Variants in SORCS2 observed in about 807,000 individuals in gnomAD.
SORCS2 encodes sortilin related VPS10 domain containing receptor 2, also known as VPS10 domain-containing receptor SorCS2.
Under a neutral mutation model 141.6 loss-of-function variants are expected in SORCS2, and 100 were observed. The observed-to-expected ratio is 0.71, with a 90% confidence interval of 0.60 to 0.83. SORCS2 has a LOEUF of 0.83. Ranked by LOEUF, SORCS2 falls within the 40% of genes least tolerant of loss-of-function variation. SORCS2 has a pLI of 0.00. For missense variants in SORCS2, 1,646 were observed against 1,560.2 expected (o/e 1.05, Z -0.93); for synonymous variants, 789 against 676.9 (o/e 1.17, Z -2.57).
intron 2 of SORCS2, among the ~76,000 whole-genome samples, chr4:7,428,271 C>G (rs958681341): frequency 6.6e-6 from 1 of 152,214 alleles, no homozygotes; most frequent in African/African-American, 2.4e-5. Context: ...CAGAAACACA[C>G]AACCGCAGGG....
intron 1 of SORCS2, among the ~76,000 whole-genome samples, chr4:7,246,835 C>T (rs1162834250): frequency 1.3e-5 from 2 of 152,190 alleles, no homozygotes; most frequent in African/African-American, 4.8e-5. Flanking sequence ...GGAACTCTTT[C>T]GCCGTGACTC....
intron 25 of SORCS2, among the ~76,000 whole-genome samples, chr4:7,735,967 AGTTG>A (rs774245987): frequency 8.5e-5 from 13 of 152,216 alleles, no homozygotes; most frequent in Non-Finnish European, 1.6e-4. Context: ...AGCAGCTTAA[AGTTG>A]GTGCTGACAA....
chr4:7,502,556 G>A (rs527772963), intron 2 of SORCS2, among the ~76,000 whole-genome samples: 12 of 152,330 alleles, frequency 7.9e-5, no homozygotes, highest in Middle Eastern at 6.8e-3. Context: ...ATCCCCAGCC[G>A]CCTTTGTTGC....
chr4:7,462,643 G>A (rs1219749482), intron 2 of SORCS2, among the ~76,000 whole-genome samples: 1 of 151,874 alleles, frequency 6.6e-6, no homozygotes, highest in Non-Finnish European at 1.5e-5. Flanking sequence ...ACCTTTTCCA[G>A]GGATGGAGCC....
At chr4:7,677,049 C>G (rs977832197) in intron 9 of SORCS2, among the ~76,000 whole-genome samples, 8 of 151,924 alleles carry the variant, frequency 5.3e-5, no homozygotes, top group Non-Finnish European at 7.4e-5. Context: ...CTCTCACACT[C>G]GCTTGCTTTC....
At chr4:7,544,886 C>T (rs1019323107) in intron 3 of SORCS2, among the ~76,000 whole-genome samples, 17 of 152,160 alleles carry the variant, frequency 1.1e-4, no homozygotes, top group African/African-American at 4.1e-4. Flanking sequence ...GAACAGAAGC[C>T]TGAGTGTGGA....
chr4:7,452,253 G>C (rs1331521985), intron 2 of SORCS2, among the ~76,000 whole-genome samples: 1 of 152,060 alleles, frequency 6.6e-6, no homozygotes, highest in Non-Finnish European at 1.5e-5. Context: ...CAATTCGCCT[G>C]CCTCAGCCTC....
At chr4:7,689,440 G>A in intron 10 of SORCS2, 46 bp from the exon 11 acceptor site, 1 of 1,534,398 alleles carries the variant, frequency 6.5e-7, no homozygotes, top group Non-Finnish European at 8.8e-7. Flanking sequence ...TCCTAAGGAT[G>A]CTCCTACTCA....
chr4:7,265,212 G>A (rs139523044), intron 1 of SORCS2, among the ~76,000 whole-genome samples: 10 of 152,324 alleles, frequency 6.6e-5, no homozygotes, highest in African/African-American at 1.7e-4. Context: ...CAAGGTGTAG[G>A]CTGGGCACGA....
chr4:7,291,367 C>T (rs1466084709), intron 1 of SORCS2, among the ~76,000 whole-genome samples: 1 of 152,142 alleles, frequency 6.6e-6, no homozygotes, highest in Non-Finnish European at 1.5e-5. Flanking sequence ...CCACGCCTGG[C>T]CCATGGGAGG....
At chr4:7,418,448 G>C (rs138422241) in intron 2 of SORCS2, among the ~76,000 whole-genome samples, 47 of 152,290 alleles carry the variant, frequency 3.1e-4, no homozygotes, top group African/African-American at 1.0e-3. Flanking sequence ...TTTCAGAGCA[G>C]ACCACCCATG....
At chr4:7,693,042 A>G (rs1322064468) in intron 11 of SORCS2, among the ~76,000 whole-genome samples, 3 of 152,198 alleles carry the variant, frequency 2.0e-5, no homozygotes, top group Non-Finnish European at 4.4e-5. Flanking sequence ...TTGATCCCAG[A>G]AATCAACCCA....
At chr4:7,738,875 C>T (rs138092840) in intron 26 of SORCS2, among the ~76,000 whole-genome samples, 1,717 of 152,288 alleles carry the variant, frequency 0.011, 31 homozygotes, top group African/African-American at 0.039. Context: ...CTCCCCTGCG[C>T]GCTCTCCAGC....
intron 3 of SORCS2, among the ~76,000 whole-genome samples, chr4:7,539,475 G>T (rs955948190): frequency 2.5e-4 from 38 of 152,202 alleles, no homozygotes; most frequent in African/African-American, 8.9e-4. Context: ...ACTTTGTTCT[G>T]CTCTTTGTCT....
chr4:7,215,419 C>T (rs544329666), intron 1 of SORCS2, among the ~76,000 whole-genome samples: 132 of 152,336 alleles, frequency 8.7e-4, no homozygotes, highest in African/African-American at 3.1e-3. Flanking sequence ...CCCCCGACTC[C>T]GTGGGTTCCT....
chr4:7,481,887 ACGCCGTTCAGACCTGTATCCCCAC>A (rs1730657012), intron 2 of SORCS2, among the ~76,000 whole-genome samples: 1 of 151,300 alleles, frequency 6.6e-6, no homozygotes, highest in Non-Finnish European at 1.5e-5. Flanking sequence ...CATCCACCTG[ACGCCGTTCAGACCTGTATCCCCAC>A]TGCGGACACC....
intron 2 of SORCS2, among the ~76,000 whole-genome samples, chr4:7,406,068 C>T (rs987435509): frequency 6.6e-6 from 1 of 151,948 alleles, no homozygotes; most frequent in Non-Finnish European, 1.5e-5. Flanking sequence ...TATGTTAAAC[C>T]ATCATTGTAT....
intron 1 of SORCS2, among the ~76,000 whole-genome samples, chr4:7,226,784 G>T (rs953661776): frequency 2.6e-5 from 4 of 152,140 alleles, no homozygotes; most frequent in Non-Finnish European, 5.9e-5. Flanking sequence ...ATGGAAGGGG[G>T]GCACGCCTGC....
chr4:7,369,904 CT>C (rs1383613359), intron 1 of SORCS2, among the ~76,000 whole-genome samples: 2 of 152,244 alleles, frequency 1.3e-5, no homozygotes, highest in African/African-American at 2.4e-5. Context: ...CCAGCTCCCC[CT>C]CCCCATGTTC....
Sources: gnomAD v4.1 joint callset for allele counts (sites outside exome capture counted in the v4.1 genomes callset) on GRCh38, gnomAD v4.1.1 for gene constraint, MANE v1.5 for transcripts, NCBI Gene and HGNC (gene_info 2026-07-23, HGNC 2026-07-21) for gene names.